Variants in TIAM1 observed in about 807,000 individuals in gnomAD.
TIAM1 encodes the protein rho guanine nucleotide exchange factor TIAM1.
In TIAM1, 65 loss-of-function variants were observed where a neutral mutation model predicts 163.5. That is an observed-to-expected ratio of 0.40 (90% CI 0.33 to 0.49). TIAM1 has a LOEUF of 0.49. Among genes scored for constraint, TIAM1 ranks in the 20% least tolerant of loss-of-function variants. The pLI, the probability that TIAM1 is intolerant of heterozygous loss-of-function variation, is 0.77. For synonymous variants in TIAM1, 833 were observed against 810.1 expected, an observed-to-expected ratio of 1.03 and a Z score of -0.48; for missense variants, 1,789 against 2,044.7, an observed-to-expected ratio of 0.87 and a Z score of 2.41.
intron 23 of TIAM1, among the ~76,000 whole-genome samples, chr21:31,133,218 A>T (rs1435444659): frequency 6.6e-6 from 1 of 152,238 alleles, no homozygotes; most frequent in South Asian, 2.1e-4. Context: ...GGGAATCCAC[A>T]GAAGCTCATC....
intron 2 of TIAM1, among the ~76,000 whole-genome samples, chr21:31,377,437 A>G (rs959616602): frequency 3.9e-5 from 6 of 152,092 alleles, no homozygotes; most frequent in Non-Finnish European, 7.4e-5. Flanking sequence ...AACACTGACC[A>G]TGGAGCTGGC....
chr21:31,483,794 G>A lies in TIAM1; in HGVS notation c.-421-19759C>T, dbSNP rs145005822. 7.9e-5 allele frequency among the ~76,000 whole-genome samples: 12 copies of A among 152,140 alleles called. 1 individual carries two copies. Among genetic ancestry groups the A allele is most frequent in the Admixed American group, 2.6e-4 (4 of 15,256 alleles). On this transcript the variant is annotated intron_variant, in intron 1 of 28. Coordinates refer to the TIAM1 transcript ENST00000286827. ...CAATGTCCCTTGTCCCCATCTGGTG[G>A]GAAAGTAAGGTCCAATATAAGAAAC...
intron 2 of TIAM1, among the ~76,000 whole-genome samples, chr21:31,373,844 T>G (rs1475418583): frequency 6.6e-6 from 1 of 152,164 alleles, no homozygotes; most frequent in African/African-American, 2.4e-5. Context: ...CCCCATCGTT[T>G]AAATCAAAAT....
At chr21:31,370,904 G>A (rs2076587214) in intron 2 of TIAM1, among the ~76,000 whole-genome samples, 1 of 152,180 alleles carries the variant, frequency 6.6e-6, no homozygotes, top group Admixed American at 6.5e-5. Context: ...TGCAGCCTGT[G>A]CCGCCCTCTC....
upstream of TIAM1, among the ~76,000 whole-genome samples, chr21:31,348,126 T>C (rs575904533): frequency 3.3e-5 from 5 of 152,196 alleles, no homozygotes; most frequent in Non-Finnish European, 5.9e-5. Flanking sequence ...AGATCTACAA[T>C]AGCTGGGCTT....
chr21:31,246,324 C>G (rs2071499692), intron 5 of TIAM1, among the ~76,000 whole-genome samples: 2 of 152,056 alleles, frequency 1.3e-5, no homozygotes, highest in Non-Finnish European at 2.9e-5. Context: ...CTGGTCCATG[C>G]ATAATTGCAC....
intron 1 of TIAM1, among the ~76,000 whole-genome samples, chr21:31,550,253 T>C (rs990685117): frequency 6.6e-6 from 1 of 152,132 alleles, no homozygotes; most frequent in Non-Finnish European, 1.5e-5. Flanking sequence ...AACTGATACA[T>C]GGATAAACAA....
chr21:31,195,301 T>C lies in TIAM1; in HGVS notation c.2498A>G (p.Tyr833Cys), dbSNP rs767407079. ...TTTTGGACAGATTTCAATTTCTTTG[T>C]ACAGCTGAAAGTTACAAAGGGGAAT... is the stretch of plus-strand genomic sequence containing the variant. ...QPEEDIYELL[Y>C]KEIEICPKVT... The change falls in exon 13 of 28, where the codon TAC becomes TGC. Residue 833 changes from tyrosine (Y) to cysteine (C), a missense_variant. Transcript: ENST00000541036. The C allele has an allele frequency of 1.2e-6, 2 of 1,610,828 alleles. No homozygotes were observed. Among genetic ancestry groups the C allele is most frequent in the Admixed American group, 1.7e-5 (1 of 59,898 alleles).
At chr21:31,465,352 C>T (rs1188363872) in intron 1 of TIAM1, among the ~76,000 whole-genome samples, 1 of 151,984 alleles carries the variant, frequency 6.6e-6, no homozygotes, top group African/African-American at 2.4e-5. Context: ...CGCAGCCTCC[C>T]AAGTAGCTGG....
chr21:31,448,126 C>T (rs1260776193), intron 2 of TIAM1, among the ~76,000 whole-genome samples: 1 of 152,190 alleles, frequency 6.6e-6, no homozygotes, highest in African/African-American at 2.4e-5. Context: ...AAAACACCCT[C>T]ATAGAAACAA....
chr21:31,249,989 T>A (rs925269962), intron 5 of TIAM1, among the ~76,000 whole-genome samples: 4 of 151,060 alleles, frequency 2.6e-5, no homozygotes, highest in Non-Finnish European at 5.9e-5. Context: ...CAACAAAAAA[T>A]AAAAACATTA....
At chr21:31,173,532 A>G (rs57937152) in intron 15 of TIAM1, among the ~76,000 whole-genome samples, 13 of 148,000 alleles carry the variant, frequency 8.8e-5, no homozygotes, top group African/African-American at 3.3e-4. Context: ...GAGCGAGAGA[A>G]AGAGAGAGAG....
intron 23 of TIAM1, among the ~76,000 whole-genome samples, chr21:31,134,848 C>T (rs890431637): frequency 1.3e-5 from 2 of 152,108 alleles, no homozygotes; most frequent in Admixed American, 6.5e-5. Flanking sequence ...TCAACAGCTA[C>T]AGGGGCTCTT....
In TIAM1 at chr21:31,141,315, C is replaced by G. The variant is rs370719700; in HGVS notation, c.3655+10G>C. On this transcript the variant is annotated intron_variant, in intron 21 of 27. Coordinates refer to ENST00000541036, the MANE Select transcript of TIAM1 (RefSeq NM_001353694.2). This position sits in a 1 kb window ranked among gnomAD's most constrained non-coding sequence, Gnocchi z 4.7. ...CTCAGGCCTGCCGGGGGTCCCAGGCCGAGGCCTACCGTCCAGGTGGTAGTG... is the reference window on the plus strand; with the variant it reads ...CTCAGGCCTGCCGGGGGTCCCAGGCGGAGGCCTACCGTCCAGGTGGTAGTG... 1.5e-5 allele frequency: 25 copies of G among 1,613,540 alleles called. No homozygotes were observed. In the African/African-American group the frequency reaches 3.3e-4, roughly 22 times the overall value.
At chr21:31,218,466 A>G (rs975604512) in intron 8 of TIAM1, among the ~76,000 whole-genome samples, 3 of 151,842 alleles carry the variant, frequency 2.0e-5, no homozygotes, top group African/African-American at 7.3e-5. Flanking sequence ...CTACTTGGGA[A>G]GCTGAGACAG....
rs1357472624 is a variant in TIAM1, at chr21:31,245,676, A to T, written c.1412-16T>A. ...AGCGTGCATCCTGAGGAAACAGAAC[A>T]GGGGTGTGCATGAGTATTCAGTGCT... On this transcript the variant is annotated splice_polypyrimidine_tract_variant and intron_variant, in intron 5 of 27. Coordinates refer to ENST00000541036, the MANE Select transcript of TIAM1 (RefSeq NM_001353694.2). 1 of 1,533,174 alleles carries T rather than the reference A, an allele frequency of 6.5e-7. No homozygotes were observed. The highest frequency in any genetic ancestry group is 8.8e-7 in the Non-Finnish European group (1 of 1,137,302). 95.0% of individuals were successfully genotyped at this position (1,533,174 alleles called of 1,614,324 possible).
At chr21:31,453,505 C>T (rs1000440017) in intron 2 of TIAM1, among the ~76,000 whole-genome samples, 9 of 151,886 alleles carry the variant, frequency 5.9e-5, no homozygotes, top group Non-Finnish European at 1.3e-4. Context: ...ACCAGCCTGA[C>T]CAACATGGCG....
chr21:31,422,690 C>T (rs980302123), intron 2 of TIAM1, among the ~76,000 whole-genome samples: 5 of 152,188 alleles, frequency 3.3e-5, no homozygotes, highest in African/African-American at 1.2e-4. Flanking sequence ...GTGCCTCCAC[C>T]TGCACTCCAC....
chr21:31,281,744 G>A (rs1017145070), intron 2 of TIAM1, among the ~76,000 whole-genome samples: 3 of 151,950 alleles, frequency 2.0e-5, no homozygotes, highest in African/African-American at 7.3e-5. Context: ...TAGATATATG[G>A]ATGAATGGTA....
Sources: allele counts gnomAD v4.1 joint callset (sites outside exome capture counted in the v4.1 genomes callset), GRCh38; gene constraint gnomAD v4.1.1; non-coding constraint Gnocchi (gnomAD v3.1); transcripts MANE v1.5; gene names NCBI Gene and HGNC (gene_info 2026-07-23, HGNC 2026-07-21).